The following TMEM131 variants were observed in gnomAD, a reference collection of about 807,000 sequenced individuals.
TMEM131 encodes the protein 2610524E03Rik.
A neutral mutation model predicts 211.6 loss-of-function variants in TMEM131; 66 were observed. The ratio of observed to expected loss-of-function variants is 0.31; its 90% confidence interval spans 0.26 to 0.38. TMEM131 has a LOEUF of 0.38. Among genes scored for constraint, TMEM131 ranks in the 10% least tolerant of loss-of-function variants. TMEM131 has a pLI of 1.00. For missense variants in TMEM131, 2,036 were observed against 2,299.3 expected, an observed-to-expected ratio of 0.89 and a Z score of 2.34; for synonymous variants, 844 against 841.3, an observed-to-expected ratio of 1.00 and a Z score of -0.06.
chr2:97,830,654 T>G (rs1682634564), intron 11 of TMEM131, among the ~76,000 whole-genome samples: 1 of 152,230 alleles, frequency 6.6e-6, no homozygotes, highest in South Asian at 2.1e-4. Context: ...CATGCAAACA[T>G]TCCTCTGAAG....
chr2:97,977,382 T>A (rs554302863), intron 1 of TMEM131, among the ~76,000 whole-genome samples: 1 of 152,178 alleles, frequency 6.6e-6, no homozygotes, highest in Non-Finnish European at 1.5e-5. Context: ...ATGAGATATA[T>A]GGATGGCAAA....
chr2:97,768,766 T>C (rs1036903753), intron 33 of TMEM131, among the ~76,000 whole-genome samples: 3 of 151,910 alleles, frequency 2.0e-5, no homozygotes, highest in Non-Finnish European at 2.9e-5. Flanking sequence ...AATTTTTGTA[T>C]TTTTAACAGA....
intron 24 of TMEM131, 141 bp from the exon 25 acceptor site, chr2:97,802,102 TAAGAA>T: frequency 1.9e-6 from 1 of 536,224 alleles, no homozygotes; most frequent in South Asian, 3.9e-5. Context: ...TTTATAGCCT[TAAGAA>T]AATTAAAGGC....
chr2:97,834,544 T>C (rs1219595797), intron 10 of TMEM131, 77 bp downstream of exon 10: 2 of 1,041,218 alleles, frequency 1.9e-6, no homozygotes, highest in Non-Finnish European at 2.8e-6. Context: ...AATTACATAG[T>C]AGAGCCATTC....
intron 25 of TMEM131, among the ~76,000 whole-genome samples, chr2:97,801,369 T>C (rs773375962): frequency 3.0e-4 from 46 of 152,344 alleles, no homozygotes; most frequent in Admixed American, 1.2e-3. Flanking sequence ...GCCTAAATAA[T>C]AGAAAATAGT....
At position 97,834,969 on chromosome 2, in the gene TMEM131, T is replaced by C. The variant is rs991468472; in HGVS notation, c.805-44A>G. The C allele has an allele frequency of 4.4e-6, 7 of 1,602,508 alleles. No homozygotes were observed. The African/African-American group carries it at 5.4e-5, about 12-fold the overall frequency. ...ATAATGTAGCACAGCTTTTGTAATG[T>C]AGCAAAACCACCATTTTTTATTGAA... On this transcript the variant is annotated intron_variant, in intron 8 of 40. Transcript: ENST00000186436.
Position 97,943,041 on chromosome 2 carries a change from G to GAAAGA in TMEM131, c.188-15559_188-15555dup, listed in dbSNP as rs1559464473. 4.9e-4 allele frequency among the ~76,000 whole-genome samples: 18 copies of GAAAGA among 36,640 alleles called. No homozygotes were observed. The East Asian group carries it at 9.0e-3, about 18-fold the overall frequency. 24.0% of individuals were successfully genotyped at this position (36,640 alleles called of 152,430 possible). ...GAAAAGAAAAGAAAAGAAAAGAAAA[G>GAAAGA]AAAGAAAGAAAGAAAGAAAGAAAGA... On this transcript the variant is annotated intron_variant, in intron 1 of 40. Coordinates refer to ENST00000186436, the MANE Select transcript of TMEM131 (RefSeq NM_015348.2).
chr2:97,905,690 T>C (rs1432262904), intron 3 of TMEM131, among the ~76,000 whole-genome samples: 1 of 152,224 alleles, frequency 6.6e-6, no homozygotes, highest in Non-Finnish European at 1.5e-5. Context: ...AGAAACAACA[T>C]TTTTCAACTC....
chr2:97,796,919 C>T lies in TMEM131; in HGVS notation c.2938G>A (p.Ala980Thr), dbSNP rs906835720. ...GQGTTENLRVAGKLPGPGSSL... is the reference protein window; with the variant it reads ...GQGTTENLRVTGKLPGPGSSL... ...CTTCCTGGACCTGGAAGCTTGCCTGCCACCCTCAAGTTCTCAGTTGTTCCT... is the reference window on the plus strand; with the variant it reads ...CTTCCTGGACCTGGAAGCTTGCCTGTCACCCTCAAGTTCTCAGTTGTTCCT... The change falls in exon 27 of 41, where the codon GCA (alanine) becomes ACA (threonine). Residue 980 changes from alanine (A) to threonine (T), a missense_variant. Coordinates refer to ENST00000186436, the MANE Select transcript of TMEM131 (RefSeq NM_015348.2). The T allele has an allele frequency of 6.2e-7, 1 of 1,613,936 alleles. No individual in the cohort carries two copies. The highest frequency in any genetic ancestry group is 8.5e-7 in the Non-Finnish European group (1 of 1,179,818).
intron 3 of TMEM131, among the ~76,000 whole-genome samples, chr2:97,890,523 A>G (rs964389255): frequency 1.1e-4 from 17 of 152,222 alleles, no homozygotes; most frequent in Admixed American, 2.6e-4. Context: ...GATTTTCAAG[A>G]GCATTGTTTT....
chr2:97,880,944 G>A (rs922440810), intron 4 of TMEM131, among the ~76,000 whole-genome samples: 3 of 152,174 alleles, frequency 2.0e-5, no homozygotes, highest in African/African-American at 4.8e-5. Flanking sequence ...AGATCTGAGA[G>A]GGAGGAAGAA....
At chr2:97,827,812 G>C (rs191548065) in intron 11 of TMEM131, among the ~76,000 whole-genome samples, 2 of 152,002 alleles carry the variant, frequency 1.3e-5, no homozygotes, top group Non-Finnish European at 2.9e-5. Context: ...TGATTGTCTC[G>C]GGTGTCAGCT....
rs751403565 is a variant in TMEM131, at chr2:97,802,530, T to G, written c.2549A>C (p.Glu850Ala). The G allele has an allele frequency of 1.2e-6, 2 of 1,609,396 alleles. No homozygotes were observed. The highest frequency in any genetic ancestry group is 1.7e-6 in the Non-Finnish European group (2 of 1,178,414). The change falls in exon 24 of 41, where the codon GAG becomes GCG. Residue 850 changes from glutamate (E) to alanine (A), a missense_variant. By Grantham distance (107) the Glu-to-Ala change is moderately radical. Coordinates refer to ENST00000186436, the MANE Select transcript of TMEM131 (RefSeq NM_015348.2). ...ATCTGCAGGATTTTCTAAAGTAATC[T>G]CTTCTTCCTTAAACAAAATAATGAA... ...LTNTNCSSEEEITLENPADVP... is the reference protein window; with the variant it reads ...LTNTNCSSEEAITLENPADVP...
At chr2:97,847,742 T>C (rs957261372) in intron 5 of TMEM131, among the ~76,000 whole-genome samples, 3 of 152,208 alleles carry the variant, frequency 2.0e-5, no homozygotes, top group Non-Finnish European at 2.9e-5. Context: ...ATAAGTTCTT[T>C]AGTTAATGGT....
chr2:97,812,120 GT>G (rs2104965189), intron 17 of TMEM131, among the ~76,000 whole-genome samples: 1 of 152,308 alleles, frequency 6.6e-6, no homozygotes, highest in South Asian at 2.1e-4. Flanking sequence ...CACAAGGTTA[GT>G]TTAGTACCCA....
chr2:97,919,564 T>C (rs987513176), intron 2 of TMEM131, among the ~76,000 whole-genome samples: 9 of 152,216 alleles, frequency 5.9e-5, no homozygotes, highest in Admixed American at 2.6e-4. Context: ...AATGTATCTC[T>C]TTGGCTTTGA....
At chr2:97,851,903 G>C (rs1301439423) in intron 5 of TMEM131, among the ~76,000 whole-genome samples, 1 of 152,164 alleles carries the variant, frequency 6.6e-6, no homozygotes, top group East Asian at 1.9e-4. Flanking sequence ...TAAAAGGAAG[G>C]GTTGCACATC....
At chr2:97,936,071 C>T (rs1677431299) in intron 1 of TMEM131, among the ~76,000 whole-genome samples, 1 of 152,104 alleles carries the variant, frequency 6.6e-6, no homozygotes, top group South Asian at 2.1e-4. Context: ...CAGTGAGGCC[C>T]CACCTGGAAG....
chr2:97,828,512 G>T (rs1369998556), intron 11 of TMEM131, among the ~76,000 whole-genome samples: 4 of 152,164 alleles, frequency 2.6e-5, no homozygotes, highest in Non-Finnish European at 5.9e-5. Flanking sequence ...AGAATAGCAG[G>T]TTTATCTACA....
Sources: allele counts gnomAD v4.1 joint callset (sites outside exome capture counted in the v4.1 genomes callset), GRCh38; gene constraint gnomAD v4.1.1; transcripts MANE v1.5; gene names NCBI Gene and HGNC (gene_info 2026-07-23, HGNC 2026-07-21).